The following EXOC6 variants were observed in gnomAD, a reference collection of about 807,000 sequenced individuals.
EXOC6 encodes SEC15-like 1.
A neutral mutation model predicts 112.5 loss-of-function variants in EXOC6; 60 were observed. The ratio of observed to expected loss-of-function variants is 0.53; its 90% CI spans 0.43 to 0.66. EXOC6 has a LOEUF of 0.66. Ranked by LOEUF, EXOC6 falls within the 30% of genes least tolerant of loss-of-function variation. EXOC6 has a pLI of 0.00. For missense variants in EXOC6, 855 were observed against 957.1 expected (o/e 0.89, Z 1.41); for synonymous variants, 295 against 308.0 (o/e 0.96, Z 0.44).
At chr10:92,870,434 A>C (rs1471101761) in intron 1 of EXOC6, among the ~76,000 whole-genome samples, 1 of 151,938 alleles carries the variant, frequency 6.6e-6, no homozygotes, top group African/African-American at 2.4e-5. Flanking sequence ...TTATTAATGG[A>C]TTTCCTATTA....
At position 93,009,786 on chromosome 10, in the gene EXOC6, C is replaced by A. The variant is rs1844156659; in HGVS notation, c.2096-4408C>A. Among the ~76,000 whole-genome samples, 5 of 152,076 alleles carry A rather than the reference C, an allele frequency of 3.3e-5. No homozygotes were observed. In the South Asian group the frequency reaches 1.0e-3, roughly 32 times the overall value. On this transcript the variant is annotated intron_variant, in intron 19 of 21. Transcript: ENST00000260762. ...TTGGTGTGGTATAGAAACTAAGGTG[C>A]CCCTAGGGAAATGATGAGATGAGGC...
upstream of EXOC6, among the ~76,000 whole-genome samples, chr10:92,833,149 C>T (rs1210950937): frequency 2.6e-5 from 4 of 152,156 alleles, no homozygotes; most frequent in Non-Finnish European, 1.5e-5. Flanking sequence ...TTTGCCATTG[C>T]TGTATAACCC....
Position 92,974,152 on chromosome 10 carries a change from C to G in EXOC6, c.1873C>G (p.Pro625Ala), listed in dbSNP as rs749232007. 6.2e-7 allele frequency: 1 copy of G among 1,601,942 alleles called. No homozygotes were observed. Among genetic ancestry groups the G allele is most frequent in the Admixed American group, 1.8e-5 (1 of 56,164 alleles). ...TGATTATGACTGGACAATGTCTGAG[C>G]CAGATGGAAGAGCTAGTGGTTATTT... ...LADYDWTMSE[P>A]DGRASGYLMD... Residue 625 changes from proline to alanine, a missense_variant, in exon 18 of 22, where the codon CCA (proline) becomes GCA (alanine). Physicochemically the swap from Pro to Ala is conservative, Grantham distance 27. Coordinates refer to ENST00000260762, the MANE Select transcript of EXOC6 (RefSeq NM_019053.6).
intron 20 of EXOC6, among the ~76,000 whole-genome samples, chr10:93,042,774 T>G (rs1338292236): frequency 6.6e-6 from 1 of 152,122 alleles, no homozygotes. Context: ...AACTCTGAAG[T>G]ATTTTCTTAT....
intron 14 of EXOC6, among the ~76,000 whole-genome samples, chr10:92,949,452 T>G (rs1853259475): frequency 6.6e-6 from 1 of 152,088 alleles, no homozygotes; most frequent in African/African-American, 2.4e-5. Flanking sequence ...AGTTGTTCTG[T>G]CAAGAAATAT....
chr10:92,923,673 A>G (rs1038634226), intron 8 of EXOC6, among the ~76,000 whole-genome samples: 2 of 152,216 alleles, frequency 1.3e-5, no homozygotes, highest in Non-Finnish European at 2.9e-5. Context: ...AGTGGAAGCC[A>G]TCATTCCTTT....
chr10:92,832,250 G>A (rs187931004), upstream of EXOC6, among the ~76,000 whole-genome samples: 6 of 152,222 alleles, frequency 3.9e-5, no homozygotes, highest in East Asian at 1.2e-3. Context: ...AGCATTTCTT[G>A]AGTATCTACT....
chr10:93,007,681 C>T (rs888060405), intron 19 of EXOC6, among the ~76,000 whole-genome samples: 2 of 152,034 alleles, frequency 1.3e-5, no homozygotes, highest in African/African-American at 2.4e-5. Context: ...CCAACTTCAT[C>T]GATTGCCAAT....
At chr10:93,016,364 C>T (rs1190435310) in intron 20 of EXOC6, among the ~76,000 whole-genome samples, 1 of 151,734 alleles carries the variant, frequency 6.6e-6, no homozygotes, top group East Asian at 1.9e-4. Context: ...TGGTCTCGAA[C>T]TCCCGGCATC....
At chr10:93,002,841 T>A (rs890356995) in intron 19 of EXOC6, among the ~76,000 whole-genome samples, 3 of 152,168 alleles carry the variant, frequency 2.0e-5, no homozygotes, top group Non-Finnish European at 2.9e-5. Context: ...TCGTCATAAA[T>A]CCGTATTGAC....
At chr10:92,944,428 G>T (rs1314413880) in intron 13 of EXOC6, among the ~76,000 whole-genome samples, 1 of 151,844 alleles carries the variant, frequency 6.6e-6, no homozygotes. Context: ...GTAGAGACAG[G>T]GTTTCACCAT....
intron 13 of EXOC6, among the ~76,000 whole-genome samples, chr10:92,943,939 G>T (rs1852822275): frequency 6.6e-6 from 1 of 152,048 alleles, no homozygotes; most frequent in African/African-American, 2.4e-5. Flanking sequence ...CAGAAATCAG[G>T]CTTCTCTCTA....
At chr10:92,835,905 C>G (rs2133573414) in intron 1 of EXOC6, among the ~76,000 whole-genome samples, 1 of 152,248 alleles carries the variant, frequency 6.6e-6, no homozygotes, top group South Asian at 2.1e-4. Context: ...CGAAAAAGAG[C>G]TGGTAATTTT....
At chr10:92,981,614 A>G (rs1292404503) in intron 18 of EXOC6, among the ~76,000 whole-genome samples, 1 of 152,126 alleles carries the variant, frequency 6.6e-6, no homozygotes, top group East Asian at 1.9e-4. Context: ...GAAACTCTTC[A>G]TTGTTTTGTC....
intron 20 of EXOC6, among the ~76,000 whole-genome samples, chr10:93,050,555 T>G (rs1337834619): frequency 6.6e-6 from 1 of 151,632 alleles, no homozygotes. Flanking sequence ...GTCAGGAGTT[T>G]GAGACCAGCC....
chr10:93,056,485 G>C (rs563737926), intron 20 of EXOC6, among the ~76,000 whole-genome samples: 2 of 152,266 alleles, frequency 1.3e-5, no homozygotes, highest in South Asian at 4.1e-4. Context: ...GGTGCAAACA[G>C]CGTCCTTGAA....
At chr10:92,855,572 T>C (rs1186761180) in intron 1 of EXOC6, among the ~76,000 whole-genome samples, 1 of 152,218 alleles carries the variant, frequency 6.6e-6, no homozygotes, top group Non-Finnish European at 1.5e-5. Context: ...ACTGATTCCA[T>C]TTCATTACTT....
At chr10:92,843,347 C>A (rs1160143958) in intron 1 of EXOC6, among the ~76,000 whole-genome samples, 1 of 152,180 alleles carries the variant, frequency 6.6e-6, no homozygotes, top group Non-Finnish European at 1.5e-5. Flanking sequence ...AAACGAGTGG[C>A]TAAAAGCCAC....
chr10:92,978,618 GA>G (rs1201127382), intron 18 of EXOC6, among the ~76,000 whole-genome samples: 1 of 152,152 alleles, frequency 6.6e-6, no homozygotes, highest in Non-Finnish European at 1.5e-5. Context: ...TAAGCAAAGA[GA>G]AGAGGCAGAG....
Sources: gnomAD v4.1 joint callset for allele counts (sites outside exome capture counted in the v4.1 genomes callset) on GRCh38, gnomAD v4.1.1 for gene constraint, MANE v1.5 for transcripts, NCBI Gene and HGNC (gene_info 2026-07-23, HGNC 2026-07-21) for gene names.